FCER1A: variants seen among roughly 807,000 people sequenced by gnomAD.
FCER1A encodes Fc epsilon receptor Ia, also known as high affinity immunoglobulin epsilon receptor subunit alpha.
In FCER1A, 24 loss-of-function variants were observed where a neutral mutation model predicts 23.6. The ratio of observed to expected loss-of-function variants is 1.02; its 90% CI spans 0.74 to 1.43. The LOEUF is 1.43. FCER1A is among the 40% of genes most tolerant of loss of function. FCER1A has a pLI of 0.00. For missense variants in FCER1A, 318 were observed against 294.5 expected (o/e 1.08, Z -0.58); for synonymous variants, 121 against 108.8 (o/e 1.11, Z -0.70).
chr1:159,289,388 C>T (rs1440239715), upstream of FCER1A, among the ~76,000 whole-genome samples: 3 of 152,182 alleles, frequency 2.0e-5, no homozygotes, highest in Non-Finnish European at 4.4e-5. Context: ...TGCCAGAAAA[C>T]ATCTAGATGT....
upstream of FCER1A, among the ~76,000 whole-genome samples, chr1:159,286,027 C>T (rs746100855): frequency 1.6e-4 from 25 of 151,674 alleles, no homozygotes; most frequent in Admixed American, 5.3e-4. Context: ...CAATCTCTAC[C>T]AAAAATACAA....
upstream of FCER1A, among the ~76,000 whole-genome samples, chr1:159,287,818 C>T (rs1048394860): frequency 6.0e-5 from 9 of 149,494 alleles, no homozygotes; most frequent in African/African-American, 2.2e-4. Context: ...TAAAGACTTG[C>T]CTCTGAGGAA....
chr1:159,295,591 C>T (rs780575887), intron 1 of FCER1A, among the ~76,000 whole-genome samples: 6 of 152,132 alleles, frequency 3.9e-5, no homozygotes, highest in African/African-American at 7.2e-5. Context: ...TTCTAATATT[C>T]GGTCTAATAG....
upstream of FCER1A, among the ~76,000 whole-genome samples, chr1:159,300,614 A>T (rs1652406751): frequency 6.6e-6 from 1 of 152,220 alleles, no homozygotes; most frequent in Non-Finnish European, 1.5e-5. Context: ...AACTAGCATA[A>T]GATGTTGTTT....
chr1:159,303,062 C>G (rs1409251024), intron 2 of FCER1A, among the ~76,000 whole-genome samples, 188 bp downstream of exon 2: 1 of 152,146 alleles, frequency 6.6e-6, no homozygotes, highest in Non-Finnish European at 1.5e-5. Context: ...TCTCTCAAGT[C>G]ATTCTCTCCT....
At chr1:159,285,278 C>T (rs1323271792), upstream of FCER1A, among the ~76,000 whole-genome samples, 3 of 152,216 alleles carry the variant, frequency 2.0e-5, no homozygotes, top group Non-Finnish European at 4.4e-5. Context: ...GGTATTTCAA[C>T]ATCCCATTGC....
At chr1:159,287,437 A>G (rs1400399122), upstream of FCER1A, among the ~76,000 whole-genome samples, 2 of 152,118 alleles carry the variant, frequency 1.3e-5, no homozygotes, top group African/African-American at 2.4e-5. Flanking sequence ...CATCGGTCAT[A>G]AAAGAAAATA....
intron 3 of FCER1A, among the ~76,000 whole-genome samples, chr1:159,305,110 T>C (rs1652560408): frequency 6.6e-6 from 1 of 151,398 alleles, no homozygotes; most frequent in Non-Finnish European, 1.5e-5. Flanking sequence ...ACTCTATATT[T>C]TTCTCTTGAG....
At position 159,306,090 on chromosome 1, in the gene FCER1A, A is replaced by G. The variant is rs773268017; in HGVS notation, c.434A>G (p.Tyr145Cys). ...WRNWDVYKVI[Y>C]YKDGEALKYW... Reference sequence around the variant, plus strand: ...AACTGGGATGTGTACAAGGTGATCTATTATAAGGATGGTGAAGCTCTCAAG... The same window carrying G: ...AACTGGGATGTGTACAAGGTGATCTGTTATAAGGATGGTGAAGCTCTCAAG... The change falls in exon 4 of 5, where the codon TAT becomes TGT. Residue 145 changes from tyrosine to cysteine, a missense_variant. Transcript: ENST00000693622. The G allele has an allele frequency of 4.3e-6, 7 of 1,614,034 alleles. No individual in the cohort carries two copies. The highest frequency in any genetic ancestry group is 1.1e-5 in the South Asian group (1 of 91,086).
At chr1:159,296,025 A>T (rs375940016) in intron 1 of FCER1A, among the ~76,000 whole-genome samples, 3 of 152,330 alleles carry the variant, frequency 2.0e-5, no homozygotes, top group East Asian at 3.9e-4. Context: ...AGAGGAGATC[A>T]AATAACATGT....
At position 159,304,176 on chromosome 1, in the gene FCER1A, T is replaced by C. The variant is rs1473178095; in HGVS notation, c.325T>C (p.Phe109Leu). ...GAGTGAACCTGTGTACCTGGAAGTC[T>C]TCAGTGGTAAGTTCCAGGGATATGG... ...NESEPVYLEV[F>L]SDWLLLQASA... Residue 109 changes from phenylalanine to leucine, a missense_variant, in exon 3 of 5, where the codon TTC becomes CTC. Transcript: ENST00000693622. 1 of 1,613,446 alleles carries C rather than the reference T, an allele frequency of 6.2e-7. No homozygotes were observed. Among genetic ancestry groups the C allele is most frequent in the Admixed American group, 1.7e-5 (1 of 60,010 alleles).
intron 4 of FCER1A, 129 bp downstream of exon 4, chr1:159,306,374 T>A: frequency 1.3e-6 from 1 of 760,762 alleles, no homozygotes; most frequent in Non-Finnish European, 2.1e-6. Context: ...AGACTTGCAA[T>A]GAGGAGACCT....
chr1:159,305,793 A>G (rs2102233428), intron 3 of FCER1A, among the ~76,000 whole-genome samples, 195 bp from the exon 4 acceptor site: 1 of 152,236 alleles, frequency 6.6e-6, no homozygotes, highest in South Asian at 2.1e-4. Flanking sequence ...TCAGGAGGGG[A>G]AAGGATTTAT....
chr1:159,293,363 C>A (rs1477308721), intron 1 of FCER1A, among the ~76,000 whole-genome samples: 1 of 151,776 alleles, frequency 6.6e-6, no homozygotes, highest in Non-Finnish European at 1.5e-5. Context: ...TGCTTCAGCC[C>A]TAATGTCCTT....
In FCER1A at chr1:159,308,042, G is replaced by C; in HGVS notation, c.*110G>C. On this transcript the variant is annotated 3_prime_UTR_variant, in exon 5 of 5. Transcript: ENST00000693622. ...ATACATAGAAACGTCTGTGCTCAAG[G>C]ATTTATAGAAATGCTTCATTAAACT... The C allele has an allele frequency of 1.4e-6, 1 of 723,594 alleles. No homozygotes were observed. The highest frequency in any genetic ancestry group is 2.7e-5 in the East Asian group (1 of 36,570). The allele number at this position is 723,594 out of a possible 1,614,324, so 44.8% of individuals were successfully genotyped here.
intron 1 of FCER1A, among the ~76,000 whole-genome samples, chr1:159,296,690 G>T (rs1180726093): frequency 6.6e-6 from 1 of 152,158 alleles, no homozygotes; most frequent in Non-Finnish European, 1.5e-5. Flanking sequence ...AGTATGCAAG[G>T]CTGCCTTCAG....
chr1:159,305,739 T>C (rs1557970250), intron 3 of FCER1A, among the ~76,000 whole-genome samples: 1 of 152,268 alleles, frequency 6.6e-6, no homozygotes, highest in East Asian at 1.9e-4. Context: ...ATGTATGGAC[T>C]CATCAGGGAG....
At chr1:159,290,179 G>A (rs532229975) in intron 1 of FCER1A, among the ~76,000 whole-genome samples, 20 of 152,118 alleles carry the variant, frequency 1.3e-4, no homozygotes, top group South Asian at 6.2e-4. Context: ...ATTGCAGGCC[G>A]CCCACTCCAG....
chr1:159,289,856 G>C (rs41264473), intron 1 of FCER1A: 4,416 of 152,220 alleles, frequency 0.029, 80 homozygotes, highest in Admixed American at 0.041. Context: ...CCTTCCTTGA[G>C]AGTAGGAAGA....
Sources: gnomAD v4.1 joint callset for allele counts (sites outside exome capture counted in the v4.1 genomes callset) on GRCh38, gnomAD v4.1.1 for gene constraint, MANE v1.5 for transcripts, NCBI Gene and HGNC (gene_info 2026-07-23, HGNC 2026-07-21) for gene names.